NTM: variants seen among roughly 807,000 people sequenced by gnomAD.
The protein encoded by NTM is IgLON family member 2.
Under a neutral mutation model 42.1 loss-of-function variants are expected in NTM, and 13 were observed. The observed-to-expected ratio is 0.31, with a 90% CI of 0.20 to 0.49. NTM has a LOEUF of 0.49. NTM is among the 20% of genes least tolerant of loss of function. NTM has a pLI of 0.99. For missense variants in NTM, 373 were observed against 452.8 expected (o/e 0.82, Z 1.60); for synonymous variants, 187 against 179.2 (o/e 1.04, Z -0.35).
intron 1 of NTM, among the ~76,000 whole-genome samples, chr11:131,409,433 C>A (rs906721207): frequency 1.3e-5 from 2 of 152,182 alleles, no homozygotes; most frequent in Non-Finnish European, 2.9e-5. Context: ...AGGAGTCCCA[C>A]GGTAGTTAAC....
At chr11:131,887,686 TC>T (rs948556903) in intron 1 of NTM, among the ~76,000 whole-genome samples, 4 of 152,190 alleles carry the variant, frequency 2.6e-5, no homozygotes, top group African/African-American at 9.7e-5. Flanking sequence ...CTCTCTTTGC[TC>T]CCATCGCACT....
At chr11:131,598,755 C>CTTTCT (rs201769252) in intron 1 of NTM, among the ~76,000 whole-genome samples, 1 of 31,098 alleles carries the variant, frequency 3.2e-5, no homozygotes, top group African/African-American at 9.7e-5. Context: ...TTCTTTCTTT[C>CTTTCT]TTCTTTCTTT....
chr11:131,437,731 C>T (rs1027496951), intron 1 of NTM, among the ~76,000 whole-genome samples: 3 of 152,176 alleles, frequency 2.0e-5, no homozygotes, highest in African/African-American at 7.2e-5. Flanking sequence ...GGTCTTGACT[C>T]TTTATCCAAT....
chr11:131,859,235 T>A (rs1408472458), intron 1 of NTM, among the ~76,000 whole-genome samples: 1 of 152,186 alleles, frequency 6.6e-6, no homozygotes, highest in Non-Finnish European at 1.5e-5. Context: ...ATATTTTGTG[T>A]CATCTAAGAG....
intron 2 of NTM, among the ~76,000 whole-genome samples, chr11:132,055,380 G>A (rs920453278): frequency 6.6e-6 from 1 of 152,140 alleles, no homozygotes; most frequent in African/African-American, 2.4e-5. Flanking sequence ...TAGCGTCAGA[G>A]GGGTTAACAC....
chr11:132,071,074 G>T (rs1323471292), intron 2 of NTM, among the ~76,000 whole-genome samples: 3 of 141,862 alleles, frequency 2.1e-5, no homozygotes, highest in Admixed American at 7.0e-5. Context: ...TCACAGGTTA[G>T]TTAACACGTC....
intron 1 of NTM, among the ~76,000 whole-genome samples, chr11:131,473,413 G>A (rs1398242960): frequency 2.0e-5 from 3 of 152,160 alleles, no homozygotes; most frequent in Non-Finnish European, 2.9e-5. Flanking sequence ...AGGTGAAGGC[G>A]TATTCATCAG....
At chr11:131,944,683 T>G (rs2060162150) in intron 2 of NTM, among the ~76,000 whole-genome samples, 1 of 152,198 alleles carries the variant, frequency 6.6e-6, no homozygotes, top group Admixed American at 6.5e-5. Context: ...GTTTAAGAGT[T>G]GGAAGCTGCT....
intron 2 of NTM, among the ~76,000 whole-genome samples, chr11:132,033,560 C>T (rs957008957): frequency 6.6e-6 from 1 of 152,190 alleles, no homozygotes; most frequent in Non-Finnish European, 1.5e-5. Flanking sequence ...GAAGGAACTG[C>T]CTCCTGAAGG....
At chr11:132,311,198 T>TTTGTTTCC (rs1373387910) in intron 6 of NTM, among the ~76,000 whole-genome samples, 1 of 152,196 alleles carries the variant, frequency 6.6e-6, no homozygotes, top group Non-Finnish European at 1.5e-5. Context: ...CAGCCTTGGC[T>TTTGTTTCC]TTGTTTCCTT....
At chr11:131,980,614 G>T (rs1167260814) in intron 2 of NTM, among the ~76,000 whole-genome samples, 1 of 152,206 alleles carries the variant, frequency 6.6e-6, no homozygotes, top group Non-Finnish European at 1.5e-5. Flanking sequence ...AAAAACAAGT[G>T]AGAGTCTACC....
chr11:131,866,295 A>AAAAC (rs1288796949), intron 1 of NTM, among the ~76,000 whole-genome samples: 2 of 87,100 alleles, frequency 2.3e-5, no homozygotes, highest in African/African-American at 9.7e-5. Context: ...ATAAATAAAA[A>AAAAC]ACAAAGCAAA....
intron 1 of NTM, among the ~76,000 whole-genome samples, chr11:131,831,654 C>T (rs541994720): frequency 2.2e-4 from 34 of 152,216 alleles, no homozygotes; most frequent in Admixed American, 1.9e-3. Flanking sequence ...TTAAAGCTTA[C>T]GTAGCAAATA....
intron 2 of NTM, among the ~76,000 whole-genome samples, chr11:132,051,917 A>G (rs1273471408): frequency 2.0e-5 from 3 of 152,158 alleles, no homozygotes; most frequent in Non-Finnish European, 4.4e-5. Context: ...CTGGCAGAAT[A>G]ATGGGCCCAG....
chr11:131,505,043 G>A (rs770981365), intron 1 of NTM, among the ~76,000 whole-genome samples: 8 of 152,082 alleles, frequency 5.3e-5, no homozygotes, highest in Non-Finnish European at 7.4e-5. Flanking sequence ...ATACTGCAGG[G>A]GAAAGAGGTG....
At chr11:131,421,053 G>A (rs987243235) in intron 1 of NTM, among the ~76,000 whole-genome samples, 2 of 152,134 alleles carry the variant, frequency 1.3e-5, no homozygotes, top group Admixed American at 6.5e-5. Flanking sequence ...AGTCCAGCAC[G>A]CAGGCCCCTG....
chr11:131,633,678 CCTCTCTCTCTCTCTCCCTCCCTCTCTCCT>C (rs2063947657), intron 1 of NTM, among the ~76,000 whole-genome samples: 1 of 47,276 alleles, frequency 2.1e-5, no homozygotes, highest in African/African-American at 8.0e-5. Context: ...TCTCTCCCTC[CCTCTCTCTCTCTCTCCCTCCCTCTCTCCT>C]TCTCTCCCTC....
chr11:131,861,123 G>T (rs919583107), intron 1 of NTM, among the ~76,000 whole-genome samples: 7 of 152,252 alleles, frequency 4.6e-5, no homozygotes, highest in African/African-American at 1.7e-4. Flanking sequence ...GGACAGTGGA[G>T]TCAGAAAAAA....
At chr11:131,399,905 G>A (rs1944948855) in intron 1 of NTM, among the ~76,000 whole-genome samples, 2 of 152,086 alleles carry the variant, frequency 1.3e-5, no homozygotes, top group African/African-American at 2.4e-5. Flanking sequence ...GGCGGGAAAA[G>A]TAACTATGCA....
Sources: allele counts gnomAD v4.1 joint callset (sites outside exome capture counted in the v4.1 genomes callset), GRCh38; gene constraint gnomAD v4.1.1; transcripts MANE v1.5; gene names NCBI Gene and HGNC (gene_info 2026-07-23, HGNC 2026-07-21).